The following FGF14 variants were observed in gnomAD, a reference collection of about 807,000 sequenced individuals.
FGF14 encodes fibroblast growth factor 14, also known as fibroblast growth factor homologous factor 4.
Under a neutral mutation model 25.5 loss-of-function variants are expected in FGF14, and 5 were observed. The observed-to-expected ratio is 0.20, with a 90% CI of 0.10 to 0.41. The LOEUF (loss-of-function observed/expected upper bound fraction) is 0.41, where lower values mean the gene tolerates loss of function less well. FGF14 is among the 10% of genes least tolerant of loss of function. The pLI is 1.00. For synonymous variants in FGF14, 138 were observed against 118.3 expected, an observed-to-expected ratio of 1.17 and a Z score of -1.08; for missense variants, 222 against 320.1, an observed-to-expected ratio of 0.69 and a Z score of 2.34.
chr13:101,744,488 G>A (rs1001242649), intron 3 of FGF14, among the ~76,000 whole-genome samples: 1 of 151,968 alleles, frequency 6.6e-6, no homozygotes, highest in African/African-American at 2.4e-5. Flanking sequence ...TTAGAGTGGG[G>A]ACTTTGTCAG....
chr13:102,223,565 C>T (rs759423695), intron 1 of FGF14, among the ~76,000 whole-genome samples: 2 of 152,118 alleles, frequency 1.3e-5, no homozygotes, highest in Admixed American at 6.6e-5. Context: ...CAGTTATTTA[C>T]GATGGCCTAC....
At chr13:102,376,662 A>G (rs553764632) in intron 1 of FGF14, among the ~76,000 whole-genome samples, 19 of 152,332 alleles carry the variant, frequency 1.2e-4, no homozygotes, top group African/African-American at 4.3e-4. Context: ...ATAATTCTGT[A>G]ACATTCTAAA....
At chr13:102,186,502 TTAAAG>T (rs1252345186) in intron 1 of FGF14, among the ~76,000 whole-genome samples, 4 of 152,262 alleles carry the variant, frequency 2.6e-5, no homozygotes, top group African/African-American at 9.6e-5. Flanking sequence ...ATAAAAATCT[TTAAAG>T]TAGTGTAAAA....
chr13:102,327,113 C>G (rs1256830199), intron 1 of FGF14, among the ~76,000 whole-genome samples: 1 of 152,166 alleles, frequency 6.6e-6, no homozygotes, highest in Non-Finnish European at 1.5e-5. Context: ...AAATAAAGTT[C>G]AAAAATGCCA....
At chr13:102,096,664 C>A (rs2044415771) in intron 1 of FGF14, among the ~76,000 whole-genome samples, 1 of 152,150 alleles carries the variant, frequency 6.6e-6, no homozygotes, top group East Asian at 1.9e-4. Flanking sequence ...CAAGCACGTG[C>A]AGTTTCCAAC....
At chr13:102,209,054 A>G (rs1413626069) in intron 1 of FGF14, among the ~76,000 whole-genome samples, 1 of 152,248 alleles carries the variant, frequency 6.6e-6, no homozygotes, top group Non-Finnish European at 1.5e-5. Flanking sequence ...CAGCTATGAG[A>G]GGTACTCCCA....
At chr13:101,827,431 T>C (rs2042441595) in intron 3 of FGF14, among the ~76,000 whole-genome samples, 1 of 151,978 alleles carries the variant, frequency 6.6e-6, no homozygotes, top group African/African-American at 2.4e-5. Context: ...ATGTGAGTTT[T>C]TATATTTGTA....
At chr13:102,051,825 A>G (rs1271969579) in intron 1 of FGF14, among the ~76,000 whole-genome samples, 2 of 152,178 alleles carry the variant, frequency 1.3e-5, no homozygotes, top group East Asian at 3.9e-4. Context: ...TCCACCAAAT[A>G]CATACACATC....
At chr13:101,879,967 G>C (rs2045609424) in intron 1 of FGF14, among the ~76,000 whole-genome samples, 1 of 152,074 alleles carries the variant, frequency 6.6e-6, no homozygotes, top group Non-Finnish European at 1.5e-5. Context: ...AATAAAGGTG[G>C]GATAGGGACA....
At chr13:102,337,624 C>G (rs759345144) in intron 1 of FGF14, among the ~76,000 whole-genome samples, 2 of 152,084 alleles carry the variant, frequency 1.3e-5, no homozygotes, top group Non-Finnish European at 2.9e-5. Context: ...AAAATACTAT[C>G]AAACAGCATC....
chr13:102,368,754 T>G (rs2057789509), intron 1 of FGF14, among the ~76,000 whole-genome samples: 1 of 152,192 alleles, frequency 6.6e-6, no homozygotes, highest in South Asian at 2.1e-4. Context: ...GCAATTCCCC[T>G]TCTTTTGTAA....
At chr13:102,133,672 C>A (rs557388317) in intron 1 of FGF14, among the ~76,000 whole-genome samples, 1 of 152,094 alleles carries the variant, frequency 6.6e-6, no homozygotes, top group East Asian at 1.9e-4. Flanking sequence ...AATTGTTAAC[C>A]GACAATTGGC....
chr13:102,290,717 G>C (rs2054344166), intron 1 of FGF14, among the ~76,000 whole-genome samples: 1 of 152,162 alleles, frequency 6.6e-6, no homozygotes, highest in Non-Finnish European at 1.5e-5. Context: ...TCTGGAGTAA[G>C]TGATAGGGTA....
rs568409925 is a variant in FGF14 at position 101,964,187 on chromosome 13, TATTAA to T, written c.209-88896_209-88892del. The stretch of plus-strand genomic sequence containing the variant: ...TCATTTCAGTTCAATGTATTAAATA[TATTAA>T]ATTAAGGGTTTCCCCTCTGTGGATA... On this transcript the variant is annotated intron_variant, in intron 1 of 4. Coordinates refer to the FGF14 transcript ENST00000376131. Among the ~76,000 whole-genome samples, 807 of 152,340 alleles carry T rather than the reference TATTAA, an allele frequency of 5.3e-3. 13 individuals are homozygous for T. Among genetic ancestry groups the T allele is most frequent in the African/African-American group, 0.018 (765 of 41,580 alleles).
At chr13:101,728,807 T>A (rs1431229285) in intron 3 of FGF14, among the ~76,000 whole-genome samples, 3 of 152,088 alleles carry the variant, frequency 2.0e-5, no homozygotes, top group Non-Finnish European at 2.9e-5. Context: ...GCTTCGGGTG[T>A]CTCTGCCCAG....
At chr13:102,149,250 T>C (rs2046979856) in intron 1 of FGF14, among the ~76,000 whole-genome samples, 1 of 152,046 alleles carries the variant, frequency 6.6e-6, no homozygotes, top group Admixed American at 6.5e-5. Context: ...GGAACACTCA[T>C]TGATATAAAA....
chr13:102,208,457 A>C (rs953438524), intron 1 of FGF14, among the ~76,000 whole-genome samples: 1 of 152,206 alleles, frequency 6.6e-6, no homozygotes, highest in Non-Finnish European at 1.5e-5. Context: ...ACACACTCCT[A>C]TCAGTTTATC....
rs1001069116 is a variant in FGF14 at position 101,824,682 on chromosome 13, T to A, written c.408+44043A>T. Among the ~76,000 whole-genome samples, 16 of 152,166 alleles carry A rather than the reference T, an allele frequency of 1.1e-4. 1 individual carries two copies. The highest frequency in any genetic ancestry group is 5.9e-5 in the Non-Finnish European group (4 of 68,026). ...ATGTGCATTTGAGATGACTGATGGC[T>A]GAAACCTCCTGAATAGTCTTAGGAT... On this transcript the variant is annotated intron_variant, in intron 3 of 4. Coordinates refer to ENST00000376143, the MANE Select transcript of FGF14 (RefSeq NM_004115.4).
chr13:101,749,616 A>G (rs887364983), intron 3 of FGF14, among the ~76,000 whole-genome samples: 17 of 152,110 alleles, frequency 1.1e-4, no homozygotes, highest in Admixed American at 1.1e-3. Context: ...CATGTGTGTT[A>G]GGGTTAGGAG....
Sources: gnomAD v4.1 joint callset for allele counts (sites outside exome capture counted in the v4.1 genomes callset) on GRCh38, gnomAD v4.1.1 for gene constraint, MANE v1.5 for transcripts, NCBI Gene and HGNC (gene_info 2026-07-23, HGNC 2026-07-21) for gene names.